Variants in APPL2 observed in about 807,000 individuals in gnomAD.
APPL2 encodes adaptor protein, phosphotyrosine interacting with PH domain and leucine zipper 2.
Under a neutral mutation model 92.7 loss-of-function variants are expected in APPL2, and 84 were observed. The observed-to-expected ratio is 0.91, with a 90% CI of 0.76 to 1.09. The LOEUF is 1.09. APPL2 is among the 50% of genes least tolerant of loss of function. APPL2 has a pLI of 0.00. For missense variants in APPL2, 736 were observed against 824.5 expected (o/e 0.89, Z 1.31); for synonymous variants, 291 against 291.0 (o/e 1.00, Z 0.00).
intron 1 of APPL2, chr12:105,233,208 TG>T: frequency 1.0e-6 from 1 of 985,480 alleles, no homozygotes; most frequent in Non-Finnish European, 1.2e-6. Context: ...TATCTGTCTC[TG>T]GAACAAACTG....
chr12:105,203,520 T>A (rs1888406573), intron 9 of APPL2, 183 bp downstream of exon 9: 1 of 603,776 alleles, frequency 1.7e-6, no homozygotes, highest in South Asian at 2.2e-5. Context: ...ACTCTGCCAA[T>A]GTGCCCCAGA....
chr12:105,233,382 G>A, intron 1 of APPL2: 1 of 985,472 alleles, frequency 1.0e-6, no homozygotes, highest in South Asian at 4.7e-5. Flanking sequence ...TAACGCATGT[G>A]TATGCACACA....
intron 1 of APPL2, among the ~76,000 whole-genome samples, chr12:105,234,567 G>A (rs1288596804): frequency 6.6e-6 from 1 of 152,202 alleles, no homozygotes; most frequent in Non-Finnish European, 1.5e-5. Flanking sequence ...TATAATCACT[G>A]TAACCTGGCT....
intron 2 of APPL2, among the ~76,000 whole-genome samples, chr12:105,224,468 G>T (rs1156364794): frequency 6.6e-6 from 1 of 152,216 alleles, no homozygotes; most frequent in Admixed American, 6.5e-5. Flanking sequence ...CATTAATGGT[G>T]GCTAGCGTGT....
intron 2 of APPL2, 36 bp downstream of exon 2, chr12:105,229,089 C>T (rs763160276): frequency 6.4e-7 from 1 of 1,553,812 alleles, no homozygotes; most frequent in Admixed American, 1.8e-5. Context: ...AGAGAATGCC[C>T]ACTCTGCGGT....
intron 2 of APPL2, among the ~76,000 whole-genome samples, chr12:105,224,915 C>G (rs952599478): frequency 3.3e-5 from 5 of 152,164 alleles, no homozygotes; most frequent in African/African-American, 1.2e-4. Context: ...TACTTTACTC[C>G]TATTCCCTCC....
chr12:105,193,705 T>C (rs920783206), intron 14 of APPL2, among the ~76,000 whole-genome samples: 1 of 152,190 alleles, frequency 6.6e-6, no homozygotes, highest in Non-Finnish European at 1.5e-5. Context: ...CTCGGACTTG[T>C]TGCCTCTTTC....
At chr12:105,235,859 C>A (rs1282206500) in intron 1 of APPL2, 100 bp downstream of exon 1, 3 of 1,036,342 alleles carry the variant, frequency 2.9e-6, no homozygotes, top group Non-Finnish European at 3.7e-6. Flanking sequence ...GGCGCACTCC[C>A]GCGGCTGCCC....
chr12:105,185,349 C>T (rs972373328), intron 17 of APPL2, among the ~76,000 whole-genome samples: 5 of 152,116 alleles, frequency 3.3e-5, no homozygotes, highest in Non-Finnish European at 5.9e-5. Context: ...CCCAAATGGC[C>T]GCCCAGTTTT....
At chr12:105,217,555 T>C (rs4964342) in intron 3 of APPL2, 111 bp downstream of exon 3, 205,918 of 1,057,648 alleles carry the variant, frequency 0.19, 20,863 homozygotes, top group Admixed American at 0.23. Context: ...ACAAAAAAAC[T>C]ATGAAGAAAA....
At chr12:105,174,882 G>GT (rs1566042521) in intron 20 of APPL2, among the ~76,000 whole-genome samples, 1 of 108,214 alleles carries the variant, frequency 9.2e-6, no homozygotes, top group African/African-American at 4.1e-5. Flanking sequence ...TTGGTGGGGG[G>GT]GGGGGTGGTG....
intron 20 of APPL2, 111 bp from the exon 21 acceptor site, chr12:105,174,559 C>G: frequency 8.4e-7 from 1 of 1,197,400 alleles, no homozygotes; most frequent in Non-Finnish European, 1.1e-6. Flanking sequence ...TCTCCTGACT[C>G]TTGTGTATAT....
In APPL2 at chr12:105,189,995, T is replaced by TC. The variant is rs1336854732; in HGVS notation, c.1401dup (p.Ser468GlufsTer9). ...ATAACCTCTCTCAGCCCATACCTGC[T>TC]CCCTCTGTTCTGATCAAGGAATTCT... On this transcript the variant is annotated frameshift_variant, in exon 15 of 21. Coordinates refer to ENST00000258530, the MANE Select transcript of APPL2 (RefSeq NM_018171.5). LOFTEE classifies it high-confidence loss of function. 1.9e-6 allele frequency: 3 copies of TC among 1,614,038 alleles called. No individual in the cohort carries two copies. The highest frequency in any genetic ancestry group is 2.7e-5 in the African/African-American group (2 of 75,034).
intron 17 of APPL2, among the ~76,000 whole-genome samples, chr12:105,186,692 C>CATATAT (rs370327440): frequency 5.5e-5 from 3 of 54,056 alleles, no homozygotes; most frequent in African/African-American, 1.9e-4. Flanking sequence ...ATATATATAT[C>CATATAT]ATATATCATA....
intron 4 of APPL2, among the ~76,000 whole-genome samples, chr12:105,212,159 A>T: frequency 6.6e-6 from 1 of 151,910 alleles, no homozygotes; most frequent in South Asian, 2.1e-4. Flanking sequence ...CTACCAAAAC[A>T]ACTCTGCCAG....
At chr12:105,211,792 C>T (rs138942788) in intron 4 of APPL2, among the ~76,000 whole-genome samples, 13 of 152,280 alleles carry the variant, frequency 8.5e-5, no homozygotes, top group Non-Finnish European at 1.3e-4. Context: ...AAAACCACGG[C>T]CAGCTATGGG....
At chr12:105,199,191 G>T in intron 10 of APPL2, 182 bp downstream of exon 10, 1 of 667,554 alleles carries the variant, frequency 1.5e-6, no homozygotes, top group Non-Finnish European at 2.5e-6. Flanking sequence ...TCTTAGTGCA[G>T]TTTGGCGCCT....
chr12:105,233,050 G>T lies in APPL2; in HGVS notation c.54+2909C>A, dbSNP rs1343523675. On this transcript the variant is annotated intron_variant, in intron 1 of 20. Transcript: ENST00000258530. ...CAAAACACAAACCGAGCAAGCAACAGTGCTGTTGTCTTCACCTTACCTCAA... is the reference window on the plus strand; with the variant it reads ...CAAAACACAAACCGAGCAAGCAACATTGCTGTTGTCTTCACCTTACCTCAA... 5.2e-6 allele frequency: 5 copies of T among 957,968 alleles called. No individual in the cohort carries two copies. In the South Asian group the frequency reaches 1.9e-4, roughly 37 times the overall value. The allele number at this position is 957,968 out of a possible 1,614,324, so 59.3% of individuals were successfully genotyped here. A position where few individuals can be genotyped will look rare whatever the true frequency, so the allele number is the denominator to read the frequency against.
At chr12:105,210,771 G>A (rs1889145303) in intron 5 of APPL2, among the ~76,000 whole-genome samples, 1 of 143,250 alleles carries the variant, frequency 7.0e-6, no homozygotes, top group Non-Finnish European at 1.5e-5. Context: ...AGAATGCATG[G>A]TTCCTATCCC....
Sources: allele counts gnomAD v4.1 joint callset (sites outside exome capture counted in the v4.1 genomes callset), GRCh38; gene constraint gnomAD v4.1.1; transcripts MANE v1.5; gene names NCBI Gene and HGNC (gene_info 2026-07-23, HGNC 2026-07-21).